Variants in SPG21 observed in about 807,000 individuals in gnomAD.
The protein encoded by SPG21 is SPG21 abhydrolase domain containing, maspardin, also known as maspardin.
SPG21 carries 26 observed loss-of-function variants against 38.9 expected under a neutral mutation model. The observed-to-expected ratio is 0.67, with a 90% CI of 0.49 to 0.93. The LOEUF (loss-of-function observed/expected upper bound fraction) is 0.93. Ranked by LOEUF, SPG21 falls within the 40% of genes least tolerant of loss-of-function variation. The pLI is 0.00. For synonymous variants in SPG21, 136 were observed against 128.9 expected, an observed-to-expected ratio of 1.05 and a Z score of -0.37; for missense variants, 333 against 376.5, an observed-to-expected ratio of 0.88 and a Z score of 0.96.
chr15:64,970,168 T>A lies in SPG21; in HGVS notation c.507A>T (p.Ser169=). 1 of 1,614,170 alleles carries A rather than the reference T, an allele frequency of 6.2e-7. No homozygotes were observed. The highest frequency in any genetic ancestry group is 8.5e-7 in the Non-Finnish European group (1 of 1,180,026). ...MLKKIVLGNF[S]SGPVDPMMAD... ...CCATCATAGGGTCCACCGGGCCAGA[T>A]GAAAAATTTCCAAGAACTATTTTTT... The change falls in exon 6 of 9, where the codon TCA becomes TCT. Residue 169 remains serine (S), a synonymous_variant. Transcript: ENST00000204566.
At chr15:64,964,370 G>A (rs1434472395) in intron 8 of SPG21, among the ~76,000 whole-genome samples, 1 of 152,122 alleles carries the variant, frequency 6.6e-6, no homozygotes, top group African/African-American at 2.4e-5. Context: ...CTGCTACTGT[G>A]ACTAGTGCTG....
chr15:64,983,713 A>G (rs1184945516), intron 1 of SPG21, 120 bp from the exon 2 acceptor site: 23 of 683,318 alleles, frequency 3.4e-5, no homozygotes, highest in Non-Finnish European at 5.8e-5. Flanking sequence ...GAAACTGGCT[A>G]TTTTGTCAGT....
intron 1 of SPG21, among the ~76,000 whole-genome samples, chr15:64,984,385 C>T (rs1213100532): frequency 6.6e-6 from 1 of 152,116 alleles, no homozygotes; most frequent in Non-Finnish European, 1.5e-5. Flanking sequence ...GACAGTCTTG[C>T]TCTGTTGTCC....
intron 2 of SPG21, 71 bp downstream of exon 2, chr15:64,983,436 A>G: frequency 8.3e-6 from 9 of 1,089,572 alleles, no homozygotes; most frequent in Admixed American, 4.0e-5. Context: ...CTACTAAGAC[A>G]TGACATCTAA....
intron 7 of SPG21, among the ~76,000 whole-genome samples, chr15:64,968,016 A>G (rs1179470646): frequency 6.6e-6 from 1 of 152,242 alleles, no homozygotes; most frequent in Non-Finnish European, 1.5e-5. Context: ...AAAATGTGGT[A>G]TAAACCAACA....
intron 3 of SPG21, among the ~76,000 whole-genome samples, chr15:64,976,965 C>T (rs546063747): frequency 1.9e-4 from 29 of 152,188 alleles, no homozygotes; most frequent in Non-Finnish European, 3.8e-4. Context: ...CTAAGGAGAG[C>T]TTCCTCTCTT....
intron 7 of SPG21, among the ~76,000 whole-genome samples, chr15:64,968,895 CATTTTT>C (rs763700371): frequency 2.0e-5 from 3 of 151,940 alleles, no homozygotes; most frequent in Non-Finnish European, 2.9e-5. Context: ...TATTTTGATT[CATTTTT>C]ATTTTTATTT....
intron 4 of SPG21, among the ~76,000 whole-genome samples, chr15:64,975,907 C>A (rs1424728155): frequency 6.6e-6 from 1 of 151,872 alleles, no homozygotes; most frequent in African/African-American, 2.4e-5. Flanking sequence ...CTAGAATAGG[C>A]AAATCCATAG....
intron 1 of SPG21, among the ~76,000 whole-genome samples, 186 bp from the exon 2 acceptor site, chr15:64,983,779 A>C (rs576137880): frequency 6.6e-6 from 1 of 151,738 alleles, no homozygotes; most frequent in Admixed American, 6.6e-5. Flanking sequence ...CAGAATCAGA[A>C]GCACTCTTTT....
chr15:64,964,124 G>C (rs1350476080), intron 8 of SPG21, among the ~76,000 whole-genome samples: 4 of 152,044 alleles, frequency 2.6e-5, no homozygotes, highest in African/African-American at 9.7e-5. Context: ...AAGTTTGGTA[G>C]GAAAACATCA....
In SPG21 at chr15:64,975,490, C is replaced by T. The variant is rs1399735008; in HGVS notation, c.307-743G>A. Among the ~76,000 whole-genome samples, 9 of 145,440 alleles carry T rather than the reference C, an allele frequency of 6.2e-5. No individual in the cohort carries two copies. The East Asian group carries it at 8.2e-4, about 13-fold the overall frequency. ...CTGCAGTGAGCCATGATTGCACCAC[C>T]GCACTCCAGCCTGGGCAACAAAGTG... On this transcript the variant is annotated intron_variant, in intron 4 of 8. Coordinates refer to ENST00000204566, the MANE Select transcript of SPG21 (RefSeq NM_016630.7).
chr15:64,976,399 T>A, intron 4 of SPG21, 76 bp downstream of exon 4: 1 of 1,072,682 alleles, frequency 9.3e-7, no homozygotes, highest in Non-Finnish European at 1.4e-6. Flanking sequence ...CACTCCAGCC[T>A]GGGTGACAGA....
intron 3 of SPG21, 90 bp downstream of exon 3, chr15:64,980,768 CAAACTG>C (rs2085868096): frequency 5.1e-6 from 7 of 1,370,440 alleles, no homozygotes; most frequent in Non-Finnish European, 7.1e-6. Context: ...AACAAACAAA[CAAACTG>C]TGCCCATTAC....
At position 64,963,711 on chromosome 15, in the gene SPG21, G is replaced by C. The variant is rs1182313434; in HGVS notation, c.836C>G (p.Thr279Ser). The C allele has an allele frequency of 6.2e-7, 1 of 1,613,970 alleles. No individual in the cohort carries two copies. Among genetic ancestry groups the C allele is most frequent in the Non-Finnish European group, 8.5e-7 (1 of 1,179,998 alleles). Residue 279 changes from threonine to serine, a missense_variant, in exon 9 of 9, where the codon ACC becomes AGC. By Grantham distance (58) the Thr-to-Ser change is moderately conservative. Coordinates refer to ENST00000204566, the MANE Select transcript of SPG21 (RefSeq NM_016630.7). ...TGATGGGTCAATGGCCGCGTATTTG[G>C]TTCCATGGAATTGCAGCAAATGTAT... ...VQIHLLQFHG[T>S]KYAAIDPSMV...
chr15:64,983,031 G>T, intron 2 of SPG21: 1 of 175,832 alleles, frequency 5.7e-6, no homozygotes, highest in Non-Finnish European at 1.3e-5. Flanking sequence ...GCCAAGGTGG[G>T]CGGATCACTT....
At chr15:64,979,244 C>T (rs549377578) in intron 3 of SPG21, among the ~76,000 whole-genome samples, 1 of 152,146 alleles carries the variant, frequency 6.6e-6, no homozygotes, top group Non-Finnish European at 1.5e-5. Context: ...CACTGTGGAG[C>T]GAGAAACACA....
At chr15:64,983,698 C>A in intron 1 of SPG21, 105 bp from the exon 2 acceptor site, 1 of 753,282 alleles carries the variant, frequency 1.3e-6, no homozygotes, top group Non-Finnish European at 2.3e-6. Context: ...AAGAAGAAAG[C>A]CAAGGAAACT....
At chr15:64,979,928 G>T (rs2085851922) in intron 3 of SPG21, among the ~76,000 whole-genome samples, 1 of 149,810 alleles carries the variant, frequency 6.7e-6, no homozygotes, top group Admixed American at 6.7e-5. Flanking sequence ...ACTCAAGAAT[G>T]ATCAGTGGGA....
intron 5 of SPG21, 122 bp downstream of exon 5, chr15:64,974,480 A>G: frequency 2.5e-6 from 3 of 1,223,938 alleles, no homozygotes; most frequent in Non-Finnish European, 3.5e-6. Flanking sequence ...GTCTCAAAAA[A>G]AAAGCCAAGG....
Sources: allele counts gnomAD v4.1 joint callset (sites outside exome capture counted in the v4.1 genomes callset), GRCh38; gene constraint gnomAD v4.1.1; transcripts MANE v1.5; gene names NCBI Gene and HGNC (gene_info 2026-07-23, HGNC 2026-07-21).